The following CDH12 variants were observed in gnomAD, a reference collection of about 807,000 sequenced individuals.
CDH12 encodes cadherin 12.
A neutral mutation model predicts 74.1 loss-of-function variants in CDH12; 41 were observed. That is an observed-to-expected ratio of 0.55 (90% CI 0.43 to 0.72). The LOEUF is 0.72. Among genes scored for constraint, CDH12 ranks in the 30% least tolerant of loss-of-function variants. The pLI is 0.00. For missense variants in CDH12, 945 were observed against 977.2 expected, an observed-to-expected ratio of 0.97 and a Z score of 0.44; for synonymous variants, 399 against 355.0, an observed-to-expected ratio of 1.12 and a Z score of -1.39.
chr5:22,821,619 C>A (rs1749704508), intron 1 of CDH12, among the ~76,000 whole-genome samples: 1 of 152,102 alleles, frequency 6.6e-6, no homozygotes, highest in Non-Finnish European at 1.5e-5. Flanking sequence ...CATGACTGAA[C>A]TCCCATTCAC....
chr5:22,231,419 AAC>A (rs1752379499), intron 3 of CDH12, among the ~76,000 whole-genome samples: 1 of 152,046 alleles, frequency 6.6e-6, no homozygotes, highest in African/African-American at 2.4e-5. Context: ...ATGGGTATTC[AAC>A]ACACTGTTCA....
intron 3 of CDH12, among the ~76,000 whole-genome samples, chr5:22,243,337 C>A (rs537138150): frequency 6.6e-6 from 1 of 152,016 alleles, no homozygotes; most frequent in East Asian, 1.9e-4. Flanking sequence ...CATTTGCTAA[C>A]CTAACTAAAC....
intron 5 of CDH12, among the ~76,000 whole-genome samples, chr5:21,982,057 G>A (rs927487828): frequency 1.3e-5 from 2 of 152,124 alleles, no homozygotes; most frequent in Non-Finnish European, 2.9e-5. Flanking sequence ...ATTTGGTCAA[G>A]CATTATCCTG....
At chr5:22,137,654 T>G (rs1746540147) in intron 4 of CDH12, among the ~76,000 whole-genome samples, 1 of 152,098 alleles carries the variant, frequency 6.6e-6, no homozygotes, top group Non-Finnish European at 1.5e-5. Flanking sequence ...ACTATTCTCC[T>G]TCAATTGTAA....
chr5:22,506,472 T>C (rs1363891325), intron 1 of CDH12, among the ~76,000 whole-genome samples: 1 of 152,162 alleles, frequency 6.6e-6, no homozygotes, highest in Admixed American at 6.6e-5. Flanking sequence ...AGCCTCTATG[T>C]CTTTTTTGAC....
chr5:22,775,027 T>A (rs1332755722), intron 1 of CDH12, among the ~76,000 whole-genome samples: 1 of 151,182 alleles, frequency 6.6e-6, no homozygotes, highest in African/African-American at 2.4e-5. Flanking sequence ...TATATTTATA[T>A]AATATCTATA....
intron 4 of CDH12, among the ~76,000 whole-genome samples, chr5:22,103,701 T>G (rs376887930): frequency 3.3e-5 from 5 of 152,358 alleles, no homozygotes. Context: ...TCACTCATTC[T>G]GAATTGAAGG....
Position 21,846,259 on chromosome 5 carries a change from T to C in CDH12, c.647-3931A>G, listed in dbSNP as rs558781662. Among the ~76,000 whole-genome samples, 66 of 152,264 alleles carry C rather than the reference T, an allele frequency of 4.3e-4. 2 individuals carry two copies. The South Asian group carries it at 0.013, about 31-fold the overall frequency. On this transcript the variant is annotated intron_variant, in intron 7 of 14. Transcript: ENST00000382254. ...ATCAGACATCACCTCCTCAAGCTTA[T>C]CTATAAAACCTGCTGCATTTCACTG...
chr5:22,178,160 G>A (rs1322803109), intron 4 of CDH12, among the ~76,000 whole-genome samples: 6 of 152,046 alleles, frequency 3.9e-5, no homozygotes, highest in Non-Finnish European at 8.8e-5. Context: ...ATGCCCCTCT[G>A]CCCAGCAGAA....
At chr5:22,017,013 C>G (rs895555704) in intron 5 of CDH12, among the ~76,000 whole-genome samples, 1 of 152,098 alleles carries the variant, frequency 6.6e-6, no homozygotes, top group African/African-American at 2.4e-5. Context: ...GCATCTTTGT[C>G]TCCACTCTAT....
chr5:22,398,965 G>T (rs1233707363), intron 3 of CDH12, among the ~76,000 whole-genome samples: 1 of 152,042 alleles, frequency 6.6e-6, no homozygotes, highest in East Asian at 1.9e-4. Flanking sequence ...AAGGACTGAG[G>T]TATGGGCAAA....
chr5:22,512,019 G>T (rs377009647), intron 1 of CDH12, among the ~76,000 whole-genome samples: 16 of 151,652 alleles, frequency 1.1e-4, no homozygotes, highest in Non-Finnish European at 8.8e-5. Flanking sequence ...TGTTAGAAAA[G>T]GTAGTTCAAG....
intron 4 of CDH12, among the ~76,000 whole-genome samples, chr5:22,146,606 G>A (rs1747200293): frequency 6.6e-6 from 1 of 152,022 alleles, no homozygotes; most frequent in African/African-American, 2.4e-5. Context: ...AAGGAGCATT[G>A]TACACTAGTT....
At chr5:22,091,932 A>T (rs982436182) in intron 4 of CDH12, among the ~76,000 whole-genome samples, 2 of 151,716 alleles carry the variant, frequency 1.3e-5, no homozygotes, top group African/African-American at 4.8e-5. Context: ...ATATGGTGGC[A>T]GTGGAGGATT....
chr5:22,772,666 T>G lies in CDH12; in HGVS notation c.-523+80392A>C, dbSNP rs60791283. ...TAAATTTAAACTTAACTAAGAAATG[T>G]AAAAGTATATGAGAGCAAAATTTTA... On this transcript the variant is annotated intron_variant, in intron 1 of 14. Coordinates refer to ENST00000382254, the MANE Select transcript of CDH12 (RefSeq NM_004061.5). Among the ~76,000 whole-genome samples, 647 of 152,198 alleles carry G rather than the reference T, an allele frequency of 4.3e-3. 5 individuals carry two copies. The highest frequency in any genetic ancestry group is 0.015 in the African/African-American group (626 of 41,552).
chr5:22,182,131 C>T (rs1302600950), intron 4 of CDH12, among the ~76,000 whole-genome samples: 3 of 152,146 alleles, frequency 2.0e-5, no homozygotes, highest in Non-Finnish European at 4.4e-5. Context: ...CAATTAGTCA[C>T]ATTCTCTTAT....
At chr5:22,579,506 T>C (rs980342445) in intron 1 of CDH12, among the ~76,000 whole-genome samples, 6 of 152,204 alleles carry the variant, frequency 3.9e-5, no homozygotes, top group Non-Finnish European at 8.8e-5. Context: ...TTATTTATGA[T>C]TTGTATGTGT....
At chr5:22,579,916 C>A (rs1739995247) in intron 1 of CDH12, among the ~76,000 whole-genome samples, 1 of 152,136 alleles carries the variant, frequency 6.6e-6, no homozygotes, top group Non-Finnish European at 1.5e-5. Flanking sequence ...AAGAGGCTGA[C>A]CTTATGCATT....
intron 3 of CDH12, among the ~76,000 whole-genome samples, chr5:22,398,128 G>C (rs1742544801): frequency 6.6e-6 from 1 of 152,078 alleles, no homozygotes; most frequent in African/African-American, 2.4e-5. Context: ...AGTCAAAGAA[G>C]GCCTTCTCTG....
Sources: allele counts gnomAD v4.1 joint callset (sites outside exome capture counted in the v4.1 genomes callset), GRCh38; gene constraint gnomAD v4.1.1; transcripts MANE v1.5; gene names NCBI Gene and HGNC (gene_info 2026-07-23, HGNC 2026-07-21).